UTRN: variants seen among roughly 807,000 people sequenced by gnomAD.
UTRN encodes utrophin.
UTRN carries 283 observed loss-of-function variants against 463.9 expected under a neutral mutation model. That is an observed-to-expected ratio of 0.61 (90% CI 0.55 to 0.67). UTRN has a LOEUF of 0.67. Among genes scored for constraint, UTRN ranks in the 30% least tolerant of loss-of-function variants. The pLI is 0.00. For synonymous variants in UTRN, 1,442 were observed against 1,431.5 expected (o/e 1.01, Z -0.17); for missense variants, 3,922 against 4,084.3 (o/e 0.96, Z 1.08).
chr6:144,383,781 T>C (rs986033467), intron 2 of UTRN, among the ~76,000 whole-genome samples: 1 of 152,166 alleles, frequency 6.6e-6, no homozygotes, highest in African/African-American at 2.4e-5. Flanking sequence ...TTCCAGCAAA[T>C]AGTTCTATCT....
intron 60 of UTRN, 61 bp downstream of exon 60, chr6:144,774,425 A>G: frequency 2.1e-6 from 3 of 1,396,708 alleles, no homozygotes; most frequent in Non-Finnish European, 2.9e-6. Flanking sequence ...TTTTTTTCCA[A>G]GAGGAAGATA....
intron 2 of UTRN, among the ~76,000 whole-genome samples, chr6:144,376,624 T>C (rs1014663737): frequency 1.3e-5 from 2 of 152,144 alleles, no homozygotes; most frequent in Non-Finnish European, 2.9e-5. Flanking sequence ...TTTGAATTTT[T>C]CTAGAAAGAT....
At chr6:144,378,281 C>T (rs915312840) in intron 2 of UTRN, among the ~76,000 whole-genome samples, 4 of 152,152 alleles carry the variant, frequency 2.6e-5, no homozygotes, top group Admixed American at 2.6e-4. Flanking sequence ...TGTGTTTAGA[C>T]TTAATAAACA....
intron 34 of UTRN, among the ~76,000 whole-genome samples, chr6:144,508,484 T>C (rs1005206432): frequency 6.6e-6 from 1 of 152,184 alleles, no homozygotes; most frequent in Admixed American, 6.5e-5. Flanking sequence ...CCCTCATGGC[T>C]TCCCTTGGCT....
chr6:144,604,862 C>A (rs1392552972), intron 51 of UTRN, among the ~76,000 whole-genome samples: 1 of 152,054 alleles, frequency 6.6e-6, no homozygotes, highest in East Asian at 1.9e-4. Flanking sequence ...TTGCAGTGAG[C>A]CGAGATTGCA....
intron 2 of UTRN, among the ~76,000 whole-genome samples, chr6:144,386,847 G>A (rs969393136): frequency 2.7e-5 from 4 of 150,534 alleles, no homozygotes; most frequent in South Asian, 2.1e-4. Context: ...TTGTCATGGC[G>A]GATATTAAAA....
chr6:144,487,752 C>T lies in UTRN; in HGVS notation c.3972+55C>T, dbSNP rs1792613259. On this transcript the variant is annotated intron_variant, in intron 29 of 74. Coordinates refer to ENST00000367545, the MANE Select transcript of UTRN (RefSeq NM_007124.3). ...TTAGGTATTGATGAAGTGGAGCTGG[C>T]CCTAAGCTCCATATCATAGAGCTTT... is the stretch of plus-strand genomic sequence containing the variant. 7 of 1,493,188 alleles carry T rather than the reference C, an allele frequency of 4.7e-6. No individual in the cohort carries two copies. The East Asian group carries it at 1.7e-4, about 35-fold the overall frequency. The allele number at this position is 1,493,188 out of a possible 1,614,324, so 92.5% of individuals were successfully genotyped here. A position where few individuals can be genotyped will look rare whatever the true frequency, so the allele number is the denominator to read the frequency against.
At chr6:144,479,237 A>G (rs1791596396) in intron 25 of UTRN, among the ~76,000 whole-genome samples, 1 of 147,376 alleles carries the variant, frequency 6.8e-6, no homozygotes, top group Admixed American at 7.0e-5. Flanking sequence ...TCCCGCCTCT[A>G]CCTCCCAAGT....
intron 2 of UTRN, among the ~76,000 whole-genome samples, chr6:144,318,794 G>A (rs1392907761): frequency 2.0e-5 from 3 of 152,162 alleles, no homozygotes; most frequent in African/African-American, 7.2e-5. Context: ...AATCTAGCTG[G>A]GCATGTTGGC....
chr6:144,788,240 C>G (rs931168472), intron 61 of UTRN, among the ~76,000 whole-genome samples: 1 of 152,118 alleles, frequency 6.6e-6, no homozygotes, highest in East Asian at 1.9e-4. Context: ...GATTTCACAT[C>G]TGTCTAAGAT....
At chr6:144,732,830 C>T (rs921269112) in intron 54 of UTRN, among the ~76,000 whole-genome samples, 1 of 152,074 alleles carries the variant, frequency 6.6e-6, no homozygotes, top group Non-Finnish European at 1.5e-5. Flanking sequence ...ATCCTCCCAC[C>T]TCAGCCTACT....
chr6:144,549,044 T>C (rs1380762351), intron 47 of UTRN, among the ~76,000 whole-genome samples, 190 bp downstream of exon 47: 1 of 152,244 alleles, frequency 6.6e-6, no homozygotes, highest in African/African-American at 2.4e-5. Context: ...TGTTGTGATA[T>C]GATCAGGTTT....
chr6:144,438,258 T>G (rs991056785), intron 11 of UTRN, among the ~76,000 whole-genome samples: 1 of 152,168 alleles, frequency 6.6e-6, no homozygotes, highest in Non-Finnish European at 1.5e-5. Flanking sequence ...AAAGTGAGAC[T>G]GTCTCCAAAA....
intron 53 of UTRN, among the ~76,000 whole-genome samples, chr6:144,721,851 A>G (rs1228932617): frequency 2.0e-5 from 3 of 151,914 alleles, no homozygotes; most frequent in Admixed American, 6.5e-5. Context: ...TTCATGCACT[A>G]AAGTTTGTAT....
At chr6:144,728,566 T>A (rs546038981) in intron 53 of UTRN, among the ~76,000 whole-genome samples, 15 of 151,936 alleles carry the variant, frequency 9.9e-5, no homozygotes, top group African/African-American at 3.6e-4. Context: ...AGGTTTGTTA[T>A]CCCCGCCCCC....
At chr6:144,587,752 T>A (rs753283221) in intron 51 of UTRN, among the ~76,000 whole-genome samples, 1 of 152,106 alleles carries the variant, frequency 6.6e-6, no homozygotes, top group African/African-American at 2.4e-5. Context: ...TTTAACATGA[T>A]CTGATTGTTG....
intron 49 of UTRN, among the ~76,000 whole-genome samples, chr6:144,556,486 AC>A (rs1405744005): frequency 1.3e-5 from 2 of 152,214 alleles, no homozygotes; most frequent in African/African-American, 4.8e-5. Context: ...TTCTTCTGAA[AC>A]CTTAGGCTGA....
At chr6:144,373,294 A>C (rs1321376074) in intron 2 of UTRN, among the ~76,000 whole-genome samples, 2 of 152,252 alleles carry the variant, frequency 1.3e-5, no homozygotes, top group Non-Finnish European at 2.9e-5. Flanking sequence ...CGAATGGATC[A>C]ACAAAATATG....
At chr6:144,707,000 T>C (rs916885004) in intron 53 of UTRN, 1 of 152,176 alleles carries the variant, frequency 6.6e-6, no homozygotes, top group African/African-American at 2.4e-5. Context: ...GGACTATACA[T>C]AGCACATAGA....
Sources: allele counts gnomAD v4.1 joint callset (sites outside exome capture counted in the v4.1 genomes callset), GRCh38; gene constraint gnomAD v4.1.1; transcripts MANE v1.5; gene names NCBI Gene and HGNC (gene_info 2026-07-23, HGNC 2026-07-21).